GOLGA8M: variants seen among roughly 807,000 people sequenced by gnomAD.
The protein encoded by GOLGA8M is golgin A8 family member M, also known as golgin subfamily A member 8M.
GOLGA8M carries 34 observed loss-of-function variants against 87.7 expected under a neutral mutation model. The ratio of observed to expected loss-of-function variants is 0.39; its 90% CI spans 0.29 to 0.52. The LOEUF (loss-of-function observed/expected upper bound fraction) is 0.52. Among genes scored for constraint, GOLGA8M ranks in the 20% least tolerant of loss-of-function variants. The probability of loss-of-function intolerance (pLI) is 0.80; values close to 1 mark genes in which losing one functional copy is unlikely to be tolerated. For missense variants in GOLGA8M, 396 were observed against 682.2 expected, an observed-to-expected ratio of 0.58 and a Z score of 4.67; for synonymous variants, 138 against 250.2, an observed-to-expected ratio of 0.55 and a Z score of 4.23.
rs1172013531 is a variant in GOLGA8M at position 28,702,627 on chromosome 15, C to A, written c.1469+18G>T. The stretch of plus-strand genomic sequence containing the variant: ...CGGTCCTGCAGCTCCCCCTGCCGTG[C>A]CCTGGCCTCCCACTCACTGATGGCA... On this transcript the variant is annotated intron_variant, in intron 16 of 18. Transcript: ENST00000563027. The A allele has an allele frequency of 6.2e-7, 1 of 1,610,184 alleles. No homozygotes were observed. The highest frequency in any genetic ancestry group is 8.5e-7 in the Non-Finnish European group (1 of 1,179,976).
chr15:28,711,167 A>G (rs2080186074), intron 1 of GOLGA8M, among the ~76,000 whole-genome samples: 1 of 151,914 alleles, frequency 6.6e-6, no homozygotes, highest in Admixed American at 6.6e-5. Context: ...CTTGATCTCA[A>G]GAGAATCAAG....
intron 13 of GOLGA8M, 23 bp from the exon 14 acceptor site, chr15:28,703,940 G>A (rs1301656946): frequency 6.3e-7 from 1 of 1,592,270 alleles, no homozygotes; most frequent in African/African-American, 1.4e-5. Flanking sequence ...GAAAGAGTGA[G>A]AAGGGATGGA....
In GOLGA8M at chr15:28,702,586, G is replaced by T. The variant is rs541071079; in HGVS notation, c.1470-24C>A. 267 of 1,608,972 alleles carry T rather than the reference G, an allele frequency of 1.7e-4. 1 individual carries two copies. The Middle Eastern group carries it at 1.9e-3, about 11-fold the overall frequency. ...TCCTGCGGGAGGACGGGGCTCAGAC[G>T]CTGGGGCCCCTCCGACGGTCCTGCA... On this transcript the variant is annotated intron_variant, in intron 16 of 18. Transcript: ENST00000563027.
chr15:28,707,434 T>A (rs574109887), intron 8 of GOLGA8M, among the ~76,000 whole-genome samples: 1 of 145,078 alleles, frequency 6.9e-6, no homozygotes, highest in South Asian at 2.2e-4. Context: ...CTAAAGGTAC[T>A]CTTCTGTACC....
chr15:28,705,069 C>A (rs921738082), intron 13 of GOLGA8M, 90 bp downstream of exon 13: 13 of 1,565,774 alleles, frequency 8.3e-6, no homozygotes, highest in Non-Finnish European at 1.1e-5. Flanking sequence ...AGGCTGGAAG[C>A]TGCCTCTGGC....
chr15:28,700,929 T>C lies in GOLGA8M; in HGVS notation c.*1025A>G, dbSNP rs1402603558. Among the ~76,000 whole-genome samples, 3 of 152,134 alleles carry C rather than the reference T, an allele frequency of 2.0e-5. No individual in the cohort carries two copies. The highest frequency in any genetic ancestry group is 4.4e-5 in the Non-Finnish European group (3 of 68,016). The stretch of plus-strand genomic sequence containing the variant: ...CCTGTTCCAGGGACGTTTGAACTCA[T>C]AAAGGATTTCTTATGATCTTCACTA... On this transcript the variant is annotated 3_prime_UTR_variant, in exon 19 of 19. Coordinates refer to ENST00000563027, the MANE Select transcript of GOLGA8M (RefSeq NM_001282468.3).
rs1378794578 is a variant in GOLGA8M, at chr15:28,699,136, A to G, written c.*2818T>C. Reference sequence around the variant, plus strand: ...TGGATAGGGCTGATTTACATTTTCAAATTTTCTAAAATCAGCTTTGGTTTT... The same window carrying G: ...TGGATAGGGCTGATTTACATTTTCAGATTTTCTAAAATCAGCTTTGGTTTT... On this transcript the variant is annotated 3_prime_UTR_variant, in exon 19 of 19. Coordinates refer to ENST00000563027, the MANE Select transcript of GOLGA8M (RefSeq NM_001282468.3). Among the ~76,000 whole-genome samples, 1 of 148,886 alleles carries G rather than the reference A, an allele frequency of 6.7e-6. No individual in the cohort carries two copies. The highest frequency in any genetic ancestry group is 1.5e-5 in the Non-Finnish European group (1 of 67,924).
In GOLGA8M at chr15:28,704,344, G is replaced by A. The variant is rs3894977; in HGVS notation, c.1201-427C>T. Among the ~76,000 whole-genome samples, 580 of 147,090 alleles carry A rather than the reference G, an allele frequency of 3.9e-3. 5 individuals carry two copies. Among genetic ancestry groups the A allele is most frequent in the Non-Finnish European group, 6.9e-3 (466 of 67,754 alleles). On this transcript the variant is annotated intron_variant, in intron 13 of 18. Transcript: ENST00000563027. ...AGGGCACTGTGGGGCTCTGTCAGCTGCCCAGGCCCCTGTCCCCTTACTCCA... is the reference window on the plus strand; with the variant it reads ...AGGGCACTGTGGGGCTCTGTCAGCTACCCAGGCCCCTGTCCCCTTACTCCA...
chr15:28,702,172 C>CA (rs1183638498), intron 18 of GOLGA8M, 42 bp downstream of exon 18: 1 of 1,584,860 alleles, frequency 6.3e-7, no homozygotes, highest in East Asian at 2.2e-5. Context: ...AGTGGGAGCC[C>CA]CCTCTTCCTG....
Position 28,700,970 on chromosome 15 carries a change from A to G in GOLGA8M, c.*984T>C, listed in dbSNP as rs541463705. On this transcript the variant is annotated 3_prime_UTR_variant, in exon 19 of 19. Coordinates refer to ENST00000563027, the MANE Select transcript of GOLGA8M (RefSeq NM_001282468.3). ...ATCTTCACTAAATACATTAAGAAGA[A>G]TGCCAACCAGTGTCCTTTTGTGTAC... 8.7e-4 allele frequency among the ~76,000 whole-genome samples: 132 copies of G among 152,296 alleles called. No homozygotes were observed. The highest frequency in any genetic ancestry group is 3.1e-3 in the African/African-American group (127 of 41,578).
At position 28,701,592 on chromosome 15, in the gene GOLGA8M, A is replaced by G. The variant is rs1362994131; in HGVS notation, c.*362T>C. ...TAGTGAATATACATGCTGCAATAACATTAAAAAAGCATGGCAGCCTATTCC... is the reference window on the plus strand; with the variant it reads ...TAGTGAATATACATGCTGCAATAACGTTAAAAAAGCATGGCAGCCTATTCC... On this transcript the variant is annotated 3_prime_UTR_variant, in exon 19 of 19. Transcript: ENST00000563027. 1.3e-5 allele frequency among the ~76,000 whole-genome samples: 2 copies of G among 151,704 alleles called. No individual in the cohort carries two copies. Among genetic ancestry groups the G allele is most frequent in the Non-Finnish European group, 2.9e-5 (2 of 68,004 alleles).
Position 28,707,973 on chromosome 15 carries a change from C to T in GOLGA8M, c.461G>A (p.Arg154His), listed in dbSNP as rs574198243. Residue 154 changes from arginine to histidine, a missense_variant, in exon 7 of 19, where the codon CGT becomes CAT. Physicochemically the swap from Arg to His is conservative, Grantham distance 29 (BLOSUM62 0). Coordinates refer to ENST00000563027, the MANE Select transcript of GOLGA8M (RefSeq NM_001282468.3). ...CCCACCTTCAAAGTATCTGAGAGAA[C>T]GTTTCATGTGGTACAGGTCCGTATT... ...ELNTDLYHMK[R>H]SLRYFEEKSK... 4.4e-5 allele frequency: 71 copies of T among 1,596,408 alleles called. 3 individuals carry two copies. In the South Asian group the frequency reaches 5.3e-4, roughly 12 times the overall value.
At position 28,702,636 on chromosome 15, in the gene GOLGA8M, C is replaced by T; in HGVS notation, c.1469+9G>A. On this transcript the variant is annotated intron_variant, in intron 16 of 18. Transcript: ENST00000563027. ...AGCTCCCCCTGCCGTGCCCTGGCCT[C>T]CCACTCACTGATGGCATCTCTCTTG... is the stretch of plus-strand genomic sequence containing the variant. 6.2e-7 allele frequency: 1 copy of T among 1,610,174 alleles called. No individual in the cohort carries two copies. Among genetic ancestry groups the T allele is most frequent in the Non-Finnish European group, 8.5e-7 (1 of 1,179,974 alleles).
chr15:28,708,041 T>C lies in GOLGA8M; in HGVS notation c.397-4A>G, dbSNP rs780662688. On this transcript the variant is annotated splice_region_variant and splice_polypyrimidine_tract_variant and intron_variant, in intron 6 of 18. Coordinates refer to ENST00000563027, the MANE Select transcript of GOLGA8M (RefSeq NM_001282468.3). ...TGTTCAATGTCTGGAGTTGAACCTT[T>C]GGGAGAAAAGCCAAGCAAGTGCTGA... 44 of 1,599,448 alleles carry C rather than the reference T, an allele frequency of 2.8e-5. No individual in the cohort carries two copies. Among genetic ancestry groups the C allele is most frequent in the Middle Eastern group, 1.7e-4 (1 of 5,842 alleles).
At chr15:28,711,436 A>C (rs2080192127) in intron 1 of GOLGA8M, 1 of 966,256 alleles carries the variant, frequency 1.0e-6, no homozygotes. Flanking sequence ...CCTGGGAGAA[A>C]ACCAAACCAA....
chr15:28,708,883 T>C (rs1008145933), intron 4 of GOLGA8M, among the ~76,000 whole-genome samples: 46 of 143,312 alleles, frequency 3.2e-4, no homozygotes, highest in Admixed American at 7.1e-4. Flanking sequence ...CCTTTGATAC[T>C]CACTACCTCC....
Position 28,707,822 on chromosome 15 carries a change from A to T in GOLGA8M, c.517T>A (p.Ser173Thr). 1.9e-6 allele frequency: 3 copies of T among 1,586,246 alleles called. No homozygotes were observed. Among genetic ancestry groups the T allele is most frequent in the Non-Finnish European group, 1.7e-6 (2 of 1,178,042 alleles). Residue 173 changes from serine (S) to threonine (T), a missense_variant, in exon 8 of 19, where the codon TCA becomes ACA. Transcript: ENST00000563027. ...TCTAACTCTCCTTTACGCTGCAATG[A>T]ATGTTGCAGGCGGACAGCCAGATCC... Reference protein sequence around the residue: ...SKDLAVRLQHSLQRKGELESV... With the variant: ...SKDLAVRLQHTLQRKGELESV...
In GOLGA8M at chr15:28,702,471, C is replaced by G. The variant is rs200253339; in HGVS notation, c.1561G>C (p.Asp521His). Residue 521 changes from aspartate (D) to histidine (H), a missense_variant, in exon 17 of 19, where the codon GAT becomes CAT. Asp to His is a moderately conservative substitution (Grantham distance 81, BLOSUM62 -1). Transcript: ENST00000563027. ...GAGATGTTGCACACCCTACCTTCATCTCCTCCCTGAGCTCCAGCCTGATGG... is the reference window on the plus strand; with the variant it reads ...GAGATGTTGCACACCCTACCTTCATGTCCTCCCTGAGCTCCAGCCTGATGG... ...GHHQAGAQGG[D>H]EGEAAGAAAD... 1.1e-3 allele frequency: 1,641 copies of G among 1,441,198 alleles called. 13 individuals are homozygous for G. The highest frequency in any genetic ancestry group is 5.2e-3 in the Middle Eastern group (21 of 4,052). 89.3% of individuals were successfully genotyped at this position (1,441,198 alleles called of 1,614,324 possible). A position where few individuals can be genotyped will look rare whatever the true frequency, so the allele number is the denominator to read the frequency against.
rs2079773598 is a variant in GOLGA8M, at chr15:28,701,090, C to G, written c.*864G>C. Among the ~76,000 whole-genome samples the G allele has an allele frequency of 6.6e-6, 1 of 152,012 alleles. No individual in the cohort carries two copies. The highest frequency in any genetic ancestry group is 1.5e-5 in the Non-Finnish European group (1 of 68,024). On this transcript the variant is annotated 3_prime_UTR_variant, in exon 19 of 19. Transcript: ENST00000563027. ...ATGCTCTAAGCTAGGAAAGGTTTTC[C>G]ACATCCACAGTCAACGATGGGAACC...
Sources: gnomAD v4.1 joint callset for allele counts (sites outside exome capture counted in the v4.1 genomes callset) on GRCh38, gnomAD v4.1.1 for gene constraint, MANE v1.5 for transcripts, NCBI Gene and HGNC (gene_info 2026-07-23, HGNC 2026-07-21) for gene names.